The following ARID2 variants were observed in gnomAD, a reference collection of about 807,000 sequenced individuals.
ARID2 encodes AT-rich interactive domain-containing protein 2.
In ARID2, 32 loss-of-function variants were observed where a neutral mutation model predicts 184.6. The ratio of observed to expected loss-of-function variants is 0.17; its 90% CI spans 0.13 to 0.23. The LOEUF (loss-of-function observed/expected upper bound fraction) is 0.23, where lower values mean the gene tolerates loss of function less well. ARID2 is among the 10% of genes least tolerant of loss of function. The probability of loss-of-function intolerance (pLI) is 1.00; values close to 1 mark genes in which losing one functional copy is unlikely to be tolerated. For synonymous variants in ARID2, 836 were observed against 772.6 expected (o/e 1.08, Z -1.36); for missense variants, 1,696 against 2,197.6 (o/e 0.77, Z 4.56).
chr12:45,770,371 C>T (rs1388533460), intron 3 of ARID2, among the ~76,000 whole-genome samples: 2 of 151,804 alleles, frequency 1.3e-5, no homozygotes, highest in Non-Finnish European at 2.9e-5. Flanking sequence ...TTTTTTGGCC[C>T]CTTTGCCAGG....
In ARID2 at chr12:45,851,349, A is replaced by G. The variant is rs2138170265; in HGVS notation, c.3226A>G (p.Lys1076Glu). The change falls in exon 15 of 21, where the codon AAG becomes GAG. Residue 1076 changes from lysine (K) to glutamate (E), a missense_variant. Physicochemically the swap from Lys to Glu is moderately conservative, Grantham distance 56 (BLOSUM62 1). Transcript: ENST00000334344. ...ACGTGGTCCTTCAACACCAGGTGGT[A>G]AGCTTATTCTCCCAGCTCCACAGAT... ...PKRGPSTPGG[K>E]LILPAPQIPP... The G allele has an allele frequency of 6.2e-7, 1 of 1,614,134 alleles. No individual in the cohort carries two copies. The highest frequency in any genetic ancestry group is 8.5e-7 in the Non-Finnish European group (1 of 1,179,994).
chr12:45,742,808 A>G (rs1359832632), intron 3 of ARID2, among the ~76,000 whole-genome samples: 3 of 152,206 alleles, frequency 2.0e-5, no homozygotes, highest in African/African-American at 4.8e-5. Context: ...CTTTAGAGCT[A>G]GTTACTAAAG....
intron 3 of ARID2, among the ~76,000 whole-genome samples, chr12:45,762,737 A>G (rs1231399074): frequency 6.6e-6 from 1 of 152,206 alleles, no homozygotes; most frequent in African/African-American, 2.4e-5. Flanking sequence ...TTAACTTTTC[A>G]GAAACCAAAA....
At chr12:45,778,244 T>C (rs1942024297) in intron 3 of ARID2, among the ~76,000 whole-genome samples, 2 of 150,360 alleles carry the variant, frequency 1.3e-5, no homozygotes, top group Admixed American at 6.7e-5. Flanking sequence ...TTATATGTGT[T>C]CCCCCCCCAA....
chr12:45,754,934 A>G (rs546025119), intron 3 of ARID2, among the ~76,000 whole-genome samples: 3 of 152,346 alleles, frequency 2.0e-5, no homozygotes, highest in African/African-American at 4.8e-5. Flanking sequence ...AGAGGGGCCT[A>G]TGGAAGAGCC....
chr12:45,776,004 GA>G (rs948336506), intron 3 of ARID2: 1 of 166,420 alleles, frequency 6.0e-6, no homozygotes, highest in Non-Finnish European at 1.5e-5. Flanking sequence ...TGTTAGGCAA[GA>G]GAGTATTTGC....
intron 20 of ARID2, among the ~76,000 whole-genome samples, chr12:45,904,031 C>T (rs1422209076): frequency 3.3e-5 from 5 of 152,130 alleles, no homozygotes; most frequent in Non-Finnish European, 5.9e-5. Context: ...CCATTTTTCT[C>T]AGCCCCCAGC....
At chr12:45,878,772 C>T (rs1162903916) in intron 16 of ARID2, among the ~76,000 whole-genome samples, 2 of 151,822 alleles carry the variant, frequency 1.3e-5, no homozygotes, top group South Asian at 2.1e-4. Flanking sequence ...TGGTGGTGGG[C>T]GGGGGTTGTT....
intron 3 of ARID2, among the ~76,000 whole-genome samples, chr12:45,735,839 A>G (rs1243779020): frequency 1.3e-5 from 2 of 152,222 alleles, no homozygotes; most frequent in Non-Finnish European, 2.9e-5. Context: ...TCTAAGACAG[A>G]TAGTTTTCAC....
At chr12:45,767,069 T>C (rs1186823170) in intron 3 of ARID2, among the ~76,000 whole-genome samples, 2 of 152,208 alleles carry the variant, frequency 1.3e-5, no homozygotes, top group African/African-American at 2.4e-5. Flanking sequence ...ACATGGCCAA[T>C]CTATTTTTTG....
At chr12:45,799,517 C>G (rs965578088) in intron 3 of ARID2, among the ~76,000 whole-genome samples, 1 of 151,828 alleles carries the variant, frequency 6.6e-6, no homozygotes, top group Non-Finnish European at 1.5e-5. Flanking sequence ...AAATTTGGGT[C>G]AGTGTAATAT....
chr12:45,765,953 A>G (rs1941763046), intron 3 of ARID2, among the ~76,000 whole-genome samples: 1 of 152,192 alleles, frequency 6.6e-6, no homozygotes, highest in Non-Finnish European at 1.5e-5. Flanking sequence ...TTTAGTCAAC[A>G]AAATTATTTT....
At chr12:45,770,703 T>C (rs982075907) in intron 3 of ARID2, among the ~76,000 whole-genome samples, 1 of 152,118 alleles carries the variant, frequency 6.6e-6, no homozygotes, top group African/African-American at 2.4e-5. Flanking sequence ...TGTGTGCTGA[T>C]TGGTTTCCTA....
rs1478082544 is a variant in ARID2, at chr12:45,817,610, A to G, written c.419-60A>G. The G allele has an allele frequency of 7.0e-6, 7 of 998,794 alleles. No homozygotes were observed. In the East Asian group the frequency reaches 7.4e-5, roughly 11 times the overall value. The allele number at this position is 998,794 out of a possible 1,614,324, so 61.9% of individuals were successfully genotyped here. On this transcript the variant is annotated intron_variant, in intron 4 of 20. Coordinates refer to ENST00000334344, the MANE Select transcript of ARID2 (RefSeq NM_152641.4). ...TAAAGCTGTGTTCTGTATTCAAGGG[A>G]TATTCACCATAAAGGTATCTGATCT...
At chr12:45,798,500 G>A (rs1565600269) in intron 3 of ARID2, among the ~76,000 whole-genome samples, 1 of 152,144 alleles carries the variant, frequency 6.6e-6, no homozygotes, top group Non-Finnish European at 1.5e-5. Context: ...GAATCCATCT[G>A]GACAAGGGTG....
chr12:45,864,713 T>C (rs187907580), intron 16 of ARID2, among the ~76,000 whole-genome samples: 3 of 152,320 alleles, frequency 2.0e-5, no homozygotes, highest in East Asian at 3.9e-4. Flanking sequence ...TCAGGAGATA[T>C]GTAATATCTT....
In ARID2 at chr12:45,854,145, C is replaced by T. The variant is rs540602453; in HGVS notation, c.4773+1249C>T. ...TTGCACGCTCCTTAGGAGAATCTAA[C>T]GCCTGATGATCGGTCACTGTCTCCC... On this transcript the variant is annotated intron_variant, in intron 15 of 20. Coordinates refer to ENST00000334344, the MANE Select transcript of ARID2 (RefSeq NM_152641.4). 7.2e-5 allele frequency among the ~76,000 whole-genome samples: 11 copies of T among 152,278 alleles called. No individual in the cohort carries two copies. In the South Asian group the frequency reaches 8.3e-4, roughly 11 times the overall value.
Position 45,891,807 on chromosome 12 carries a change from C to G in ARID2, c.4950C>G (p.Phe1650Leu), listed in dbSNP as rs1242397830. The G allele has an allele frequency of 1.2e-6, 2 of 1,614,020 alleles. No individual in the cohort carries two copies. The highest frequency in any genetic ancestry group is 1.7e-6 in the Non-Finnish European group (2 of 1,180,008). ...KKWFQTPSQV[F>L]YHAATEHGGK... Reference sequence around the variant, plus strand: ...GGTTTCAGACACCCTCACAGGTTTTCTACCATGCAGCAACTGAACATGGAG... The same window carrying G: ...GGTTTCAGACACCCTCACAGGTTTTGTACCATGCAGCAACTGAACATGGAG... The change falls in exon 17 of 21, where the codon TTC becomes TTG. Residue 1650 changes from phenylalanine to leucine, a missense_variant. Physicochemically the swap from Phe to Leu is conservative, Grantham distance 22 (BLOSUM62 0). This residue lies in a region of ARID2 where 111 missense variants were observed against 154.0 expected (regional missense o/e 0.72). Coordinates refer to ENST00000334344, the MANE Select transcript of ARID2 (RefSeq NM_152641.4).
chr12:45,896,711 A>T (rs1944372913), intron 20 of ARID2, among the ~76,000 whole-genome samples: 1 of 152,218 alleles, frequency 6.6e-6, no homozygotes, highest in Non-Finnish European at 1.5e-5. Context: ...AACCACGATT[A>T]TGCTAAGGGT....
Sources: gnomAD v4.1 joint callset for allele counts (sites outside exome capture counted in the v4.1 genomes callset) on GRCh38, gnomAD v4.1.1 for gene constraint, gnomAD v4.1.1 regional missense constraint, MANE v1.5 for transcripts, NCBI Gene and HGNC (gene_info 2026-07-23, HGNC 2026-07-21) for gene names.